The following MFHAS1 variants were observed in gnomAD, a reference collection of about 807,000 sequenced individuals.
The protein encoded by MFHAS1 is multifunctional ROCO family signaling regulator 1, also known as malignant fibrous histiocytoma-amplified sequence 1.
Under a neutral mutation model 70.4 loss-of-function variants are expected in MFHAS1, and 50 were observed. The ratio of observed to expected loss-of-function variants is 0.71; its 90% CI spans 0.57 to 0.90. The LOEUF is 0.90. MFHAS1 is among the 40% of genes least tolerant of loss of function. The pLI, the probability that MFHAS1 is intolerant of heterozygous loss-of-function variation, is 0.00. For missense variants in MFHAS1, 1,795 were observed against 1,347.6 expected, an observed-to-expected ratio of 1.33 and a Z score of -5.20; for synonymous variants, 952 against 620.0, an observed-to-expected ratio of 1.54 and a Z score of -7.96.
At chr8:8,883,913 A>T (rs999510908) in intron 1 of MFHAS1, among the ~76,000 whole-genome samples, 2 of 151,866 alleles carry the variant, frequency 1.3e-5, no homozygotes, top group African/African-American at 4.8e-5. Flanking sequence ...AATAAAAAAT[A>T]CTGGTTGGGT....
At chr8:8,788,441 G>A (rs1475566083) in intron 2 of MFHAS1, among the ~76,000 whole-genome samples, 1 of 152,254 alleles carries the variant, frequency 6.6e-6, no homozygotes, top group African/African-American at 2.4e-5. Context: ...TGCTTTGGAA[G>A]GCTGAGGCAG....
At chr8:8,858,905 T>G (rs973192806) in intron 1 of MFHAS1, among the ~76,000 whole-genome samples, 1 of 152,204 alleles carries the variant, frequency 6.6e-6, no homozygotes, top group South Asian at 2.1e-4. Flanking sequence ...AAAGACTATA[T>G]AGAGGAACAC....
At chr8:8,805,135 C>T (rs1036740908) in intron 1 of MFHAS1, among the ~76,000 whole-genome samples, 4 of 152,086 alleles carry the variant, frequency 2.6e-5, no homozygotes, top group Non-Finnish European at 5.9e-5. Flanking sequence ...ATTTGGTAAA[C>T]GTTCAACCAC....
intron 1 of MFHAS1, among the ~76,000 whole-genome samples, chr8:8,812,492 G>C (rs1806585717): frequency 6.6e-6 from 1 of 152,146 alleles, no homozygotes; most frequent in African/African-American, 2.4e-5. Context: ...ACAGTAAGCT[G>C]GGGCAATGAC....
intron 1 of MFHAS1, among the ~76,000 whole-genome samples, chr8:8,808,972 C>T (rs1402380282): frequency 6.6e-6 from 1 of 152,066 alleles, no homozygotes; most frequent in Non-Finnish European, 1.5e-5. Flanking sequence ...ACAGCCACTC[C>T]CCATTGCTCA....
At chr8:8,846,210 G>A (rs1808024923) in intron 1 of MFHAS1, among the ~76,000 whole-genome samples, 2 of 138,116 alleles carry the variant, frequency 1.4e-5, no homozygotes, top group South Asian at 2.5e-4. Flanking sequence ...CTGAGAACAT[G>A]CCACTGCACT....
chr8:8,886,771 C>T (rs908373097), intron 1 of MFHAS1, among the ~76,000 whole-genome samples: 4 of 152,144 alleles, frequency 2.6e-5, no homozygotes, highest in Non-Finnish European at 5.9e-5. Context: ...CAACTTAACG[C>T]TTTTATAAAA....
At position 8,893,227 on chromosome 8, in the gene MFHAS1, G is replaced by A. The variant is rs964052665; in HGVS notation, c.-169C>T. 34 of 191,754 alleles carry A rather than the reference G, an allele frequency of 1.8e-4. No individual in the cohort carries two copies. Among genetic ancestry groups the A allele is most frequent in the Non-Finnish European group, 7.0e-5 (7 of 99,492 alleles). 11.9% of individuals were successfully genotyped at this position (191,754 alleles called of 1,614,324 possible). On this transcript the variant is annotated 5_prime_UTR_variant, in exon 1 of 3. Coordinates refer to ENST00000276282, the MANE Select transcript of MFHAS1 (RefSeq NM_004225.3). ...GGCCGAGCGCTGGCGGCTAGGGGGC[G>A]GCGGCGACGCGAGCGGCTCCGGGGG...
intron 1 of MFHAS1, among the ~76,000 whole-genome samples, chr8:8,888,398 T>TC (rs1809852793): frequency 6.6e-6 from 1 of 151,900 alleles, no homozygotes; most frequent in Non-Finnish European, 1.5e-5. Context: ...CCCCTCCGGG[T>TC]CCCCTGGGGG....
chr8:8,879,926 C>A (rs1199754805), intron 1 of MFHAS1, among the ~76,000 whole-genome samples: 2 of 152,182 alleles, frequency 1.3e-5, no homozygotes, highest in Non-Finnish European at 2.9e-5. Context: ...TTAGGTCTTG[C>A]CAGTCATTCC....
intron 1 of MFHAS1, among the ~76,000 whole-genome samples, chr8:8,839,772 GC>G (rs1473490020): frequency 6.6e-6 from 1 of 152,088 alleles, no homozygotes; most frequent in Non-Finnish European, 1.5e-5. Context: ...TGTAACACGA[GC>G]CCAAAGAGTA....
intron 1 of MFHAS1, among the ~76,000 whole-genome samples, chr8:8,828,211 T>G (rs2117317235): frequency 6.6e-6 from 1 of 152,258 alleles, no homozygotes; most frequent in South Asian, 2.1e-4. Flanking sequence ...ACCAAGAGAA[T>G]AAATTAACAG....
chr8:8,881,023 C>T (rs1383404933), intron 1 of MFHAS1, among the ~76,000 whole-genome samples: 1 of 152,168 alleles, frequency 6.6e-6, no homozygotes, highest in Non-Finnish European at 1.5e-5. Flanking sequence ...TCCAAACTCA[C>T]AATGTCCCTG....
chr8:8,876,540 G>C (rs1186524185), intron 1 of MFHAS1, among the ~76,000 whole-genome samples: 1 of 152,042 alleles, frequency 6.6e-6, no homozygotes, highest in Non-Finnish European at 1.5e-5. Context: ...TTCGAGACCA[G>C]TGTGGCTAAC....
At chr8:8,787,806 G>A (rs182826712) in intron 2 of MFHAS1, among the ~76,000 whole-genome samples, 4 of 152,210 alleles carry the variant, frequency 2.6e-5, no homozygotes, top group East Asian at 3.9e-4. Context: ...TCTGCTCCCC[G>A]GGCTACACGT....
At position 8,891,889 on chromosome 8, in the gene MFHAS1, G is replaced by C. The variant is rs1810062622; in HGVS notation, c.1170C>G (p.Pro390=). Residue 390 remains proline, a synonymous_variant, in exon 1 of 3, where the codon CCC becomes CCG. Coordinates refer to ENST00000276282, the MANE Select transcript of MFHAS1 (RefSeq NM_004225.3). This position sits in a 1 kb window ranked among gnomAD's most constrained non-coding sequence, Gnocchi z 5.4. Reference sequence around the variant, plus strand: ...GTTCCTTCTGGTAGGCTGCGATGTAGGGGATCCCCTTCATGCAGACCTCGT... The same window carrying C: ...GTTCCTTCTGGTAGGCTGCGATGTACGGGATCCCCTTCATGCAGACCTCGT... ...PPYEVCMKGI[P]YIAAYQKELA... is the part of the protein sequence containing the mutation. The C allele has an allele frequency of 6.2e-7, 1 of 1,611,434 alleles. No homozygotes were observed. Among genetic ancestry groups the C allele is most frequent in the Non-Finnish European group, 8.5e-7 (1 of 1,178,740 alleles).
At position 8,891,788 on chromosome 8, in the gene MFHAS1, A is replaced by G. The variant is rs771349753; in HGVS notation, c.1271T>C (p.Leu424Ser). 1.9e-6 allele frequency: 3 copies of G among 1,613,400 alleles called. No individual in the cohort carries two copies. Among genetic ancestry groups the G allele is most frequent in the East Asian group, 2.2e-5 (1 of 44,874 alleles). ...CTCCTCGGTGAGGCAGTGGCGCAGCAAAGTCTTTCCTGCAGCCTTATGCCC... is the reference window on the plus strand; with the variant it reads ...CTCCTCGGTGAGGCAGTGGCGCAGCGAAGTCTTTCCTGCAGCCTTATGCCC... The part of the protein sequence containing the change: ...LMGHKAAGKT[L>S]LRHCLTEERV... The change falls in exon 1 of 3, where the codon TTG (leucine) becomes TCG (serine). Residue 424 changes from leucine (L) to serine (S), a missense_variant. By Grantham distance (145) the Leu-to-Ser change is moderately radical. Coordinates refer to ENST00000276282, the MANE Select transcript of MFHAS1 (RefSeq NM_004225.3). This position sits in a 1 kb window ranked among gnomAD's most constrained non-coding sequence, Gnocchi z 5.4.
chr8:8,794,457 GT>G (rs932677546), intron 2 of MFHAS1, among the ~76,000 whole-genome samples: 1 of 152,144 alleles, frequency 6.6e-6, no homozygotes, highest in African/African-American at 2.4e-5. Context: ...CTCCACATGA[GT>G]TTGTTTTTGT....
intron 1 of MFHAS1, among the ~76,000 whole-genome samples, chr8:8,879,659 C>T (rs944009980): frequency 1.3e-5 from 2 of 152,144 alleles, no homozygotes; most frequent in African/African-American, 4.8e-5. Context: ...CCCAAAGTAA[C>T]ATTCAAATAT....
Sources: gnomAD v4.1 joint callset for allele counts (sites outside exome capture counted in the v4.1 genomes callset) on GRCh38, gnomAD v4.1.1 for gene constraint, Gnocchi (gnomAD v3.1) non-coding constraint, MANE v1.5 for transcripts, NCBI Gene and HGNC (gene_info 2026-07-23, HGNC 2026-07-21) for gene names.